The following TEX11 variants were observed in gnomAD, a reference collection of about 807,000 sequenced individuals.
TEX11 encodes testis expressed 11.
Under a neutral mutation model 84.4 loss-of-function variants are expected in TEX11, and 7 were observed. That is an observed-to-expected ratio of 0.08 (90% confidence interval 0.05 to 0.16). The LOEUF is 0.16. Among genes scored for constraint, TEX11 ranks in the 10% least tolerant of loss-of-function variants. The pLI is 1.00. For synonymous variants in TEX11, 264 were observed against 222.8 expected, an observed-to-expected ratio of 1.18 and a Z score of -1.64; for missense variants, 551 against 660.5, an observed-to-expected ratio of 0.83 and a Z score of 1.82.
rs2090156868 is a variant in TEX11, at chrX:70,682,699, C to T, written c.1131G>A (p.Lys377=). The change falls in exon 14 of 30, where the codon AAG becomes AAA. Residue 377 remains lysine, a synonymous_variant. Transcript: ENST00000374333. Reference sequence around the variant, plus strand: ...CTAAAAAGATTTCTTCAATCTTCTCCTTGGCAAGAAGTTCTTCCTTCCTTT... The same window carrying T: ...CTAAAAAGATTTCTTCAATCTTCTCTTTGGCAAGAAGTTCTTCCTTCCTTT... The part of the protein sequence containing the change: ...LLQRKEELLA[K]EKIEEIFLAH... The T allele has an allele frequency of 2.5e-6, 3 of 1,209,516 alleles. No homozygotes were observed. The highest frequency in any genetic ancestry group is 3.4e-6 in the Non-Finnish European group (3 of 894,826).
At chrX:70,793,877 A>AG in intron 9 of TEX11, among the ~76,000 whole-genome samples, 1 of 111,167 alleles carries the variant, frequency 9.0e-6, no homozygotes, top group East Asian at 2.8e-4. Context: ...CCAAAAAAAA[A>AG]AAAGGCTCTT....
intron 2 of TEX11, among the ~76,000 whole-genome samples, chrX:70,898,494 G>A (rs1292139089): frequency 8.9e-6 from 1 of 112,078 alleles, no homozygotes; most frequent in Non-Finnish European, 1.9e-5. Context: ...ATGTATGGCT[G>A]GAGAAAACAC....
intron 7 of TEX11, among the ~76,000 whole-genome samples, chrX:70,843,035 G>A (rs1369707856): frequency 1.3e-4 from 14 of 111,715 alleles, no homozygotes; most frequent in African/African-American, 3.6e-4. Flanking sequence ...AATCAATATC[G>A]TGAAAATGGC....
In TEX11 at chrX:70,600,735, A is replaced by G. The variant is rs1173649144; in HGVS notation, c.2067+4666T>C. ...ATCTCACTCAAAACCGCTCAACTAC[A>G]TGGAAACTGAACAACCTGCTCCTGA... On this transcript the variant is annotated intron_variant, in intron 24 of 29. Coordinates refer to ENST00000374333, the MANE Select transcript of TEX11 (RefSeq NM_031276.3). Among the ~76,000 whole-genome samples the G allele has an allele frequency of 3.3e-5, 3 of 89,755 alleles. No homozygotes were observed. The East Asian group carries it at 1.1e-3, about 32-fold the overall frequency. 77.9% of individuals were successfully genotyped at this position (89,755 alleles called of 115,157 possible).
intron 25 of TEX11, among the ~76,000 whole-genome samples, chrX:70,571,704 C>T (rs1404552072): frequency 9.0e-6 from 1 of 111,451 alleles, no homozygotes; most frequent in Non-Finnish European, 1.9e-5. Context: ...GATAACATAC[C>T]TTGTATGATT....
intron 17 of TEX11, among the ~76,000 whole-genome samples, chrX:70,638,638 A>T (rs1332986775): frequency 9.1e-6 from 1 of 109,355 alleles, no homozygotes; most frequent in Admixed American, 9.8e-5. Context: ...CATCTCTACT[A>T]AAAATGCAAA....
At chrX:70,545,885 A>C (rs1371086278) in intron 28 of TEX11, among the ~76,000 whole-genome samples, 2 of 112,040 alleles carry the variant, frequency 1.8e-5, no homozygotes, top group Admixed American at 9.5e-5. Flanking sequence ...ATTATGTGGC[A>C]CATGACTATA....
intron 8 of TEX11, among the ~76,000 whole-genome samples, chrX:70,819,903 A>G (rs1269355230): frequency 3.6e-5 from 4 of 111,782 alleles, no homozygotes; most frequent in African/African-American, 1.3e-4. Context: ...TAAAGCATCA[A>G]TGAAGGAAAT....
chrX:70,820,309 A>G (rs972233194), intron 8 of TEX11, among the ~76,000 whole-genome samples: 1 of 111,954 alleles, frequency 8.9e-6, no homozygotes, highest in Non-Finnish European at 1.9e-5. Context: ...AAGAACACAC[A>G]ATGAAGAAAA....
At chrX:70,700,112 G>T (rs200907563) in intron 13 of TEX11, among the ~76,000 whole-genome samples, 9 of 18,008 alleles carry the variant, frequency 5.0e-4, no homozygotes, top group African/African-American at 1.1e-3. Flanking sequence ...CTAGTTTTTT[G>T]TTTGTTTGTT....
intron 17 of TEX11, among the ~76,000 whole-genome samples, chrX:70,639,813 T>C (rs1299970160): frequency 1.8e-5 from 2 of 110,554 alleles, no homozygotes; most frequent in African/African-American, 6.6e-5. Context: ...ACCACAAAGA[T>C]GGGGAAAAAA....
rs772763927 is a variant in TEX11, at chrX:70,689,739, TTCCC to T, written c.1005-6918_1005-6915del. On this transcript the variant is annotated intron_variant, in intron 13 of 29. Transcript: ENST00000374333. ...AACGAATTAGGGAGAAGAGACAAAT[TTCCC>T]ATGTAGAAGAATTCAAAATAATTTA... Among the ~76,000 whole-genome samples, 7 of 111,866 alleles carry T rather than the reference TTCCC, an allele frequency of 6.3e-5. No homozygotes were observed. The East Asian group carries it at 2.0e-3, about 31-fold the overall frequency.
At chrX:70,822,845 C>T (rs1280695404) in intron 8 of TEX11, among the ~76,000 whole-genome samples, 1 of 110,695 alleles carries the variant, frequency 9.0e-6, no homozygotes, top group Non-Finnish European at 1.9e-5. Context: ...AGATGACAGG[C>T]TCTTTTAAAT....
intron 25 of TEX11, among the ~76,000 whole-genome samples, chrX:70,566,026 C>T (rs2088468886): frequency 9.1e-6 from 1 of 110,014 alleles, no homozygotes; most frequent in Non-Finnish European, 1.9e-5. Context: ...TTGATTCCTC[C>T]TACCCATGAG....
In TEX11 at chrX:70,554,735, A is replaced by G. The variant is rs1473664948; in HGVS notation, c.2206T>C (p.Leu736=). Reference sequence around the variant, plus strand: ...AAGCTTTCCAGTAATGGATCATTCAATTTGGCTCTAACTTCAAACTCGTAC... The same window carrying G: ...AAGCTTTCCAGTAATGGATCATTCAGTTTGGCTCTAACTTCAAACTCGTAC... ...LLYEFEVRAK[L]NDPLLESFLE... is the part of the protein sequence containing the mutation. The change falls in exon 26 of 30, where the codon TTG becomes CTG. Residue 736 remains leucine, a synonymous_variant. Coordinates refer to ENST00000374333, the MANE Select transcript of TEX11 (RefSeq NM_031276.3). The G allele has an allele frequency of 1.4e-5, 17 of 1,210,249 alleles. No individual in the cohort carries two copies. The highest frequency in any genetic ancestry group is 1.8e-5 in the Non-Finnish European group (16 of 894,643).
intron 8 of TEX11, among the ~76,000 whole-genome samples, chrX:70,827,484 C>T (rs2091353356): frequency 9.0e-6 from 1 of 111,594 alleles, no homozygotes; most frequent in Non-Finnish European, 1.9e-5. Flanking sequence ...TATTTCTCGT[C>T]CTGGGCCACA....
intron 9 of TEX11, among the ~76,000 whole-genome samples, chrX:70,786,898 G>A (rs1304957100): frequency 8.9e-6 from 1 of 111,772 alleles, no homozygotes; most frequent in Non-Finnish European, 1.9e-5. Context: ...ACCGTGGGAG[G>A]CCAAAGCGGG....
chrX:70,865,865 A>G (rs888665421), intron 4 of TEX11, among the ~76,000 whole-genome samples: 4 of 112,133 alleles, frequency 3.6e-5, no homozygotes, highest in African/African-American at 9.7e-5. Context: ...ACAACATACC[A>G]GAATCTCTGG....
At chrX:70,860,405 G>A (rs2091562379) in intron 5 of TEX11, among the ~76,000 whole-genome samples, 1 of 111,660 alleles carries the variant, frequency 9.0e-6, no homozygotes, top group Admixed American at 9.5e-5. Flanking sequence ...TTACAAAAGA[G>A]AAAACTAAGT....
Sources: allele counts gnomAD v4.1 joint callset (sites outside exome capture counted in the v4.1 genomes callset), GRCh38; gene constraint gnomAD v4.1.1; transcripts MANE v1.5; gene names NCBI Gene and HGNC (gene_info 2026-07-23, HGNC 2026-07-21).